CLVS1: variants seen among roughly 807,000 people sequenced by gnomAD.
CLVS1 encodes the protein clavesin 1.
In CLVS1, 10 loss-of-function variants were observed where a neutral mutation model predicts 33.1. The observed-to-expected ratio is 0.30, with a 90% CI of 0.19 to 0.51. The LOEUF is 0.51. Among genes scored for constraint, CLVS1 ranks in the 20% least tolerant of loss-of-function variants. CLVS1 has a pLI of 0.97. For synonymous variants in CLVS1, 163 were observed against 166.1 expected (o/e 0.98, Z 0.14); for missense variants, 343 against 433.4 (o/e 0.79, Z 1.85).
intron 1 of CLVS1, among the ~76,000 whole-genome samples, chr8:61,095,852 C>T (rs1467187159): frequency 6.6e-6 from 1 of 152,182 alleles, no homozygotes; most frequent in Non-Finnish European, 1.5e-5. Flanking sequence ...AGCCCAGTTT[C>T]CTGATTTCAG....
At chr8:61,254,807 G>A (rs1444763147) in intron 2 of CLVS1, among the ~76,000 whole-genome samples, 1 of 152,164 alleles carries the variant, frequency 6.6e-6, no homozygotes, top group Non-Finnish European at 1.5e-5. Context: ...GATTTTCCAG[G>A]TGCCCTCTGT....
chr8:61,064,593 T>C (rs1225248240), intron 1 of CLVS1, among the ~76,000 whole-genome samples: 1 of 148,172 alleles, frequency 6.7e-6, no homozygotes, highest in Non-Finnish European at 1.5e-5. Flanking sequence ...CAGGCTGGAG[T>C]GCAGGGGCAC....
At chr8:61,265,661 T>C (rs1299834329) in intron 2 of CLVS1, among the ~76,000 whole-genome samples, 1 of 152,082 alleles carries the variant, frequency 6.6e-6, no homozygotes, top group Admixed American at 6.6e-5. Context: ...GCAGCCCCTG[T>C]CCAGACTGTA....
At chr8:61,405,800 G>C (rs1319978100) in intron 3 of CLVS1, among the ~76,000 whole-genome samples, 2 of 149,834 alleles carry the variant, frequency 1.3e-5, no homozygotes, top group African/African-American at 4.9e-5. Flanking sequence ...TTGCACCACT[G>C]GTGCAAATGA....
intron 2 of CLVS1, among the ~76,000 whole-genome samples, chr8:61,304,754 A>G (rs995860886): frequency 6.6e-6 from 1 of 152,210 alleles, no homozygotes; most frequent in Non-Finnish European, 1.5e-5. Flanking sequence ...GTGCTGGAGA[A>G]GAAAAACTGA....
the CLVS1 span, among the ~76,000 whole-genome samples, chr8:61,005,671 G>A: frequency 1.3e-5 from 2 of 152,128 alleles, no homozygotes; most frequent in African/African-American, 4.8e-5. Flanking sequence ...GAAAACTGCC[G>A]AGATATTTAA....
intron 1 of CLVS1, among the ~76,000 whole-genome samples, chr8:61,291,713 CCT>C (rs1809998515): frequency 6.6e-6 from 1 of 152,162 alleles, no homozygotes; most frequent in East Asian, 1.9e-4. Context: ...TCCCTGCCTT[CCT>C]CTCTTCCTTC....
intron 2 of CLVS1, among the ~76,000 whole-genome samples, chr8:61,260,302 C>T (rs1234347259): frequency 6.6e-6 from 1 of 152,128 alleles, no homozygotes; most frequent in Non-Finnish European, 1.5e-5. Flanking sequence ...ATAGTGGTGC[C>T]CTTAACTACG....
chr8:61,489,140 T>A (rs548962972), intron 5 of CLVS1, among the ~76,000 whole-genome samples: 16 of 152,376 alleles, frequency 1.1e-4, no homozygotes, highest in East Asian at 7.7e-4. Context: ...TCAATAATGA[T>A]CTATTTTTTA....
intron 5 of CLVS1, among the ~76,000 whole-genome samples, chr8:61,472,355 A>G (rs985947858): frequency 2.6e-5 from 4 of 152,014 alleles, no homozygotes; most frequent in Non-Finnish European, 5.9e-5. Flanking sequence ...GAAGGAAAGA[A>G]GGTAAAAAAG....
At chr8:61,183,600 G>C (rs1168128747) in intron 2 of CLVS1, among the ~76,000 whole-genome samples, 1 of 152,132 alleles carries the variant, frequency 6.6e-6, no homozygotes, top group African/African-American at 2.4e-5. Flanking sequence ...CTACCTGATA[G>C]AGAAAGGTTG....
chr8:61,391,688 C>G (rs914535712), intron 3 of CLVS1, among the ~76,000 whole-genome samples: 3 of 152,178 alleles, frequency 2.0e-5, no homozygotes, highest in Non-Finnish European at 2.9e-5. Flanking sequence ...ATGCCCTAAT[C>G]TGTAGACTCA....
chr8:61,170,332 C>T (rs1273962589), intron 2 of CLVS1, among the ~76,000 whole-genome samples: 2 of 152,094 alleles, frequency 1.3e-5, no homozygotes, highest in Non-Finnish European at 2.9e-5. Context: ...CACTTTCTCC[C>T]CCTCTCTTTC....
Position 61,232,041 on chromosome 8 carries a change from T to TTTGTTTTTTTTG in CLVS1, c.-151-67634_-151-67633insGTTTTTTTTGTT, listed in dbSNP as rs1554548396. On this transcript the variant is annotated intron_variant, in intron 2 of 2. Transcript: ENST00000522621. ...AGTTGTGGTTTTTTTTTTTTTTTTT[T>TTTGTTTTTTTTG]TTTTTTTTTGTGAGATGGAGTCTCG... Among the ~76,000 whole-genome samples the TTTGTTTTTTTTG allele has an allele frequency of 6.0e-5, 7 of 116,016 alleles. 1 individual carries two copies. The South Asian group carries it at 1.1e-3, about 19-fold the overall frequency. The allele number at this position is 116,016 out of a possible 152,430, so 76.1% of individuals were successfully genotyped here.
At chr8:61,457,594 T>C (rs1300523986) in intron 4 of CLVS1, among the ~76,000 whole-genome samples, 2 of 152,090 alleles carry the variant, frequency 1.3e-5, no homozygotes, top group Non-Finnish European at 2.9e-5. Context: ...TCACGATAAC[T>C]TCTCAGGCTG....
At chr8:60,985,899 A>G in the CLVS1 span, among the ~76,000 whole-genome samples, 8 of 152,244 alleles carry the variant, frequency 5.3e-5, no homozygotes, top group Admixed American at 5.2e-4. Flanking sequence ...CCGGCATACA[A>G]TAAGGGCAAT....
At chr8:61,367,036 A>G (rs907252377) in intron 2 of CLVS1, among the ~76,000 whole-genome samples, 8 of 152,024 alleles carry the variant, frequency 5.3e-5, no homozygotes, top group Non-Finnish European at 7.4e-5. Context: ...CTTCACACCC[A>G]TATCTAATTG....
chr8:61,411,907 G>C (rs1815242093), intron 3 of CLVS1, among the ~76,000 whole-genome samples: 1 of 152,216 alleles, frequency 6.6e-6, no homozygotes. Flanking sequence ...TTGGGTATCT[G>C]AGGGTCACCC....
the CLVS1 span, among the ~76,000 whole-genome samples, chr8:61,042,950 A>G: frequency 6.6e-6 from 1 of 152,188 alleles, no homozygotes; most frequent in African/African-American, 2.4e-5. Flanking sequence ...AAAGGCACAT[A>G]TGGGTGTTTA....
Sources: allele counts gnomAD v4.1 joint callset (sites outside exome capture counted in the v4.1 genomes callset), GRCh38; gene constraint gnomAD v4.1.1; transcripts MANE v1.5; gene names NCBI Gene and HGNC (gene_info 2026-07-23, HGNC 2026-07-21).